The following BCAS3 variants were observed in gnomAD, a reference collection of about 807,000 sequenced individuals.
The protein encoded by BCAS3 is BCAS4/BCAS3 fusion.
In BCAS3, 53 loss-of-function variants were observed where a neutral mutation model predicts 116.1. The observed-to-expected ratio is 0.46, with a 90% CI of 0.37 to 0.57. The LOEUF (loss-of-function observed/expected upper bound fraction) is 0.57, where lower values mean the gene tolerates loss of function less well. Among genes scored for constraint, BCAS3 ranks in the 20% least tolerant of loss-of-function variants. The pLI is 0.00. For missense variants in BCAS3, 917 were observed against 1,165.4 expected (o/e 0.79, Z 3.10); for synonymous variants, 391 against 408.2 (o/e 0.96, Z 0.51).
chr17:60,759,572 AT>A (rs2043311064), intron 6 of BCAS3, among the ~76,000 whole-genome samples: 1 of 149,436 alleles, frequency 6.7e-6, no homozygotes, highest in African/African-American at 2.5e-5. Context: ...ATGCATATGT[AT>A]TTAGAATTGT....
chr17:60,709,027 C>T (rs1037638806), intron 4 of BCAS3, among the ~76,000 whole-genome samples, 192 bp from the exon 5 acceptor site: 2 of 151,908 alleles, frequency 1.3e-5, no homozygotes, highest in Non-Finnish European at 2.9e-5. Context: ...TGAAATGGGC[C>T]AAGGAATGAC....
In BCAS3 at chr17:61,339,268, T is replaced by C. The variant is rs2056966631; in HGVS notation, c.2426-29059T>C. On this transcript the variant is annotated intron_variant, in intron 22 of 23. Transcript: ENST00000407086. This position sits in a 1 kb window ranked among gnomAD's most constrained non-coding sequence, Gnocchi z 4.4. ...CCTGCCCCTAGTGCCCACCTCTCCT[T>C]CATCCCAGGTCACACCCAAAAGCCA... Among the ~76,000 whole-genome samples, 1 of 152,186 alleles carries C rather than the reference T, an allele frequency of 6.6e-6. No individual in the cohort carries two copies. Among genetic ancestry groups the C allele is most frequent in the South Asian group, 2.1e-4 (1 of 4,828 alleles).
intron 6 of BCAS3, among the ~76,000 whole-genome samples, chr17:60,784,706 GGATTACAGATACATGC>G (rs2046136776): frequency 1.3e-5 from 2 of 151,706 alleles, no homozygotes; most frequent in South Asian, 4.2e-4. Flanking sequence ...CAAGTAACTG[GGATTACAGATACATGC>G]TACTGTGCCT....
chr17:60,861,598 G>A (rs2054165073), intron 7 of BCAS3, among the ~76,000 whole-genome samples: 1 of 152,088 alleles, frequency 6.6e-6, no homozygotes, highest in South Asian at 2.1e-4. Context: ...TCCAGTTTTT[G>A]CCTGTTCGGT....
intron 22 of BCAS3, among the ~76,000 whole-genome samples, chr17:61,274,751 G>A (rs2050626159): frequency 6.6e-6 from 1 of 152,110 alleles, no homozygotes; most frequent in Non-Finnish European, 1.5e-5. Flanking sequence ...TCTAGCTAGT[G>A]CACTAAGGAA....
chr17:60,844,576 A>G (rs939617541), intron 7 of BCAS3, among the ~76,000 whole-genome samples: 1 of 152,092 alleles, frequency 6.6e-6, no homozygotes, highest in African/African-American at 2.4e-5. Context: ...CTTCATGCCA[A>G]CCTGTAAATT....
intron 14 of BCAS3, among the ~76,000 whole-genome samples, chr17:60,950,440 G>A (rs2060770696): frequency 1.3e-5 from 2 of 152,084 alleles, no homozygotes; most frequent in South Asian, 4.1e-4. Flanking sequence ...CCATGAATGA[G>A]GTGTTATTTG....
chr17:60,861,632 A>G (rs1020556929), intron 7 of BCAS3, among the ~76,000 whole-genome samples: 2 of 152,150 alleles, frequency 1.3e-5, no homozygotes, highest in African/African-American at 4.8e-5. Context: ...TGGGTTTGTC[A>G]TAGATGGCTC....
chr17:60,887,779 A>G (rs923418344), intron 9 of BCAS3, among the ~76,000 whole-genome samples: 1 of 152,182 alleles, frequency 6.6e-6, no homozygotes, highest in Non-Finnish European at 1.5e-5. Context: ...TTTGAAATGA[A>G]TTCAGGTCAC....
chr17:61,080,984 CA>C (rs1488421401), intron 21 of BCAS3, among the ~76,000 whole-genome samples: 1 of 152,030 alleles, frequency 6.6e-6, no homozygotes, highest in Non-Finnish European at 1.5e-5. Flanking sequence ...AGTGTCAGAC[CA>C]ATTTTCAGTG....
intron 22 of BCAS3, among the ~76,000 whole-genome samples, chr17:61,115,986 C>G (rs1260333456): frequency 1.3e-5 from 2 of 149,374 alleles, no homozygotes; most frequent in Non-Finnish European, 3.0e-5. Context: ...TAAACTATCG[C>G]AAGAACAAAA....
chr17:60,941,971 A>G lies in BCAS3; in HGVS notation c.1088-5248A>G, dbSNP rs547401126. Among the ~76,000 whole-genome samples, 50 of 152,328 alleles carry G rather than the reference A, an allele frequency of 3.3e-4. 2 individuals are homozygous for G. The South Asian group carries it at 9.7e-3, about 30-fold the overall frequency. On this transcript the variant is annotated intron_variant, in intron 13 of 23. Transcript: ENST00000407086. ...TCCTGTCAGAATGATGTTTCTATTG[A>G]ATTGTTTGTCAAGTGCAGAAAATTT...
intron 22 of BCAS3, among the ~76,000 whole-genome samples, chr17:61,319,484 G>A (rs2055015607): frequency 6.6e-6 from 1 of 151,644 alleles, no homozygotes; most frequent in African/African-American, 2.4e-5. Context: ...TATTGTCTCT[G>A]TCACTGAAGA....
intron 22 of BCAS3, among the ~76,000 whole-genome samples, chr17:61,218,445 A>G (rs574008630): frequency 5.1e-4 from 77 of 152,306 alleles, no homozygotes; most frequent in Middle Eastern, 3.4e-3. Context: ...GTTAAATTTC[A>G]TGTTCCTAGA....
intron 22 of BCAS3, among the ~76,000 whole-genome samples, chr17:61,284,984 T>C (rs544991019): frequency 6.6e-6 from 1 of 152,334 alleles, no homozygotes; most frequent in East Asian, 1.9e-4. Flanking sequence ...ATCAAGGTTC[T>C]CTCCTGGTTC....
At chr17:60,848,166 A>G (rs1478252751) in intron 7 of BCAS3, among the ~76,000 whole-genome samples, 8 of 152,154 alleles carry the variant, frequency 5.3e-5, no homozygotes. Flanking sequence ...GGAATGTCTA[A>G]TGCTAGGCCA....
In BCAS3 at chr17:61,161,037, C is replaced by CGACTACAA. The variant is rs1299355259; in HGVS notation, c.2425+76476_2425+76483dup. On this transcript the variant is annotated intron_variant, in intron 22 of 23. Coordinates refer to ENST00000407086, the MANE Select transcript of BCAS3 (RefSeq NM_017679.5). The surrounding 1 kb of genome is among the most constrained non-coding windows in gnomAD (Gnocchi z 4.8). The stretch of plus-strand genomic sequence containing the variant: ...CCCCTTCCCTGTGTCAACTTTGGGA[C>CGACTACAA]GACTACAAGAGATCTATAGTTAAAA... 9.2e-5 allele frequency among the ~76,000 whole-genome samples: 14 copies of CGACTACAA among 152,024 alleles called. No individual in the cohort carries two copies. Among genetic ancestry groups the CGACTACAA allele is most frequent in the Admixed American group, 7.9e-4 (12 of 15,266 alleles).
rs918864116 is a variant in BCAS3, at chr17:61,213,331, G to A, written c.2425+128767G>A. 2.9e-4 allele frequency among the ~76,000 whole-genome samples: 44 copies of A among 151,810 alleles called. 1 individual carries two copies. The highest frequency in any genetic ancestry group is 7.3e-5 in the African/African-American group (3 of 41,320). ...ATTACAGGCTCCTGCCACCATGCCCGGCTAATTTTTGTATTTTTAGTAGAA... is the reference window on the plus strand; with the variant it reads ...ATTACAGGCTCCTGCCACCATGCCCAGCTAATTTTTGTATTTTTAGTAGAA... On this transcript the variant is annotated intron_variant, in intron 22 of 23. Transcript: ENST00000407086. The surrounding 1 kb of genome is among the most constrained non-coding windows in gnomAD (Gnocchi z 5.4).
At position 61,065,224 on chromosome 17, in the gene BCAS3, G is replaced by T. The variant is rs553339127; in HGVS notation, c.2030-9696G>T. 2.6e-5 allele frequency among the ~76,000 whole-genome samples: 4 copies of T among 152,160 alleles called. No individual in the cohort carries two copies. Among genetic ancestry groups the T allele is most frequent in the African/African-American group, 9.6e-5 (4 of 41,518 alleles). ...ATAATTCCTCCTCTGTGAATTGCTT[G>T]TTCATTGGGAACTGCCTTTGTTCAT... On this transcript the variant is annotated intron_variant, in intron 19 of 23. Coordinates refer to ENST00000407086, the MANE Select transcript of BCAS3 (RefSeq NM_017679.5). The surrounding 1 kb of genome is among the most constrained non-coding windows in gnomAD (Gnocchi z 4.8).
Sources: allele counts gnomAD v4.1 joint callset (sites outside exome capture counted in the v4.1 genomes callset), GRCh38; gene constraint gnomAD v4.1.1; non-coding constraint Gnocchi (gnomAD v3.1); transcripts MANE v1.5; gene names NCBI Gene and HGNC (gene_info 2026-07-23, HGNC 2026-07-21).